Variants in SLCO6A1 observed in about 807,000 individuals in gnomAD.
SLCO6A1 encodes cancer/testis antigen 48.
Under a neutral mutation model 72.7 loss-of-function variants are expected in SLCO6A1, and 65 were observed. That is an observed-to-expected ratio of 0.89 (90% CI 0.73 to 1.10). The LOEUF is 1.10. SLCO6A1 is among the 50% of genes least tolerant of loss of function. The pLI is 0.00. For missense variants in SLCO6A1, 874 were observed against 872.6 expected (o/e 1.00, Z -0.02); for synonymous variants, 314 against 298.2 (o/e 1.05, Z -0.55).
intron 6 of SLCO6A1, among the ~76,000 whole-genome samples, chr5:102,451,562 G>A (rs2112726583): frequency 6.6e-6 from 1 of 152,266 alleles, no homozygotes; most frequent in African/African-American, 2.4e-5. Flanking sequence ...CATTCTGGAG[G>A]CCCTGGATGG....
chr5:102,431,773 G>T (rs1033970567), intron 7 of SLCO6A1, among the ~76,000 whole-genome samples: 1 of 152,122 alleles, frequency 6.6e-6, no homozygotes, highest in Non-Finnish European at 1.5e-5. Context: ...TTGAGTTCAG[G>T]TCCTGAACAT....
intron 5 of SLCO6A1, among the ~76,000 whole-genome samples, chr5:102,458,704 A>C (rs1750870299): frequency 6.6e-6 from 1 of 152,202 alleles, no homozygotes; most frequent in African/African-American, 2.4e-5. Context: ...AAAACTTTCC[A>C]TATCTGCCCA....
At chr5:102,459,436 A>G (rs1008759372) in intron 5 of SLCO6A1, among the ~76,000 whole-genome samples, 4 of 152,118 alleles carry the variant, frequency 2.6e-5, no homozygotes, top group African/African-American at 9.7e-5. Flanking sequence ...AATACAAAGA[A>G]GAAGAAATTC....
intron 7 of SLCO6A1, among the ~76,000 whole-genome samples, chr5:102,433,211 G>A (rs568927056): frequency 2.1e-4 from 32 of 152,202 alleles, no homozygotes; most frequent in African/African-American, 6.0e-4. Context: ...GAGTTTCAAC[G>A]TTCCCCTGAA....
At chr5:102,491,479 C>T (rs2112862143) in intron 1 of SLCO6A1, among the ~76,000 whole-genome samples, 1 of 152,318 alleles carries the variant, frequency 6.6e-6, no homozygotes, top group East Asian at 1.9e-4. Context: ...ACACATGAGC[C>T]CACGGAGGTG....
intron 7 of SLCO6A1, among the ~76,000 whole-genome samples, chr5:102,422,237 T>C (rs1748647216): frequency 6.6e-6 from 1 of 152,002 alleles, no homozygotes; most frequent in African/African-American, 2.4e-5. Flanking sequence ...TCACAACTCC[T>C]CACCAGCAAG....
intron 12 of SLCO6A1, among the ~76,000 whole-genome samples, chr5:102,386,897 G>C (rs1746448072): frequency 6.6e-6 from 1 of 152,180 alleles, no homozygotes; most frequent in African/African-American, 2.4e-5. Flanking sequence ...CCTTCACATG[G>C]AGGGTATCTC....
intron 10 of SLCO6A1, among the ~76,000 whole-genome samples, chr5:102,398,059 C>T (rs1344387218): frequency 6.6e-6 from 1 of 152,100 alleles, no homozygotes; most frequent in African/African-American, 2.4e-5. Context: ...GGTTTCTTTT[C>T]TCCTTGTATT....
chr5:102,493,092 A>G (rs1025729569), intron 1 of SLCO6A1, among the ~76,000 whole-genome samples: 1 of 152,234 alleles, frequency 6.6e-6, no homozygotes, highest in South Asian at 2.1e-4. Flanking sequence ...CAAAGGGTAC[A>G]TAATGCTGCA....
At chr5:102,458,324 T>C in intron 6 of SLCO6A1, 58 bp downstream of exon 6, 1 of 1,276,238 alleles carries the variant, frequency 7.8e-7, no homozygotes. Context: ...AAGTTCATTA[T>C]TAGAAAATTA....
At chr5:102,456,851 T>C (rs925804100) in intron 6 of SLCO6A1, among the ~76,000 whole-genome samples, 6 of 152,152 alleles carry the variant, frequency 3.9e-5, no homozygotes, top group Admixed American at 3.9e-4. Context: ...GTCTTCAAAA[T>C]ATACTACAAG....
chr5:102,412,967 T>C lies in SLCO6A1; in HGVS notation c.1626+23A>G, dbSNP rs145197149. 90 of 1,079,584 alleles carry C rather than the reference T, an allele frequency of 8.3e-5. No individual in the cohort carries two copies. In the African/African-American group the frequency reaches 1.3e-3, roughly 15 times the overall value. 66.9% of individuals were successfully genotyped at this position (1,079,584 alleles called of 1,614,324 possible). A position where few individuals can be genotyped will look rare whatever the true frequency, so the allele number is the denominator to read the frequency against. On this transcript the variant is annotated intron_variant, in intron 9 of 13. Coordinates refer to ENST00000506729, the MANE Select transcript of SLCO6A1 (RefSeq NM_173488.5). ...GAAAATATAAATGTATAACAAAACA[T>C]AATAATTATAAAAAATAATTACCTT...
intron 2 of SLCO6A1, among the ~76,000 whole-genome samples, chr5:102,479,102 T>C (rs1179143601): frequency 2.6e-5 from 4 of 152,170 alleles, no homozygotes; most frequent in East Asian, 1.9e-4. Context: ...TAATTCCCAA[T>C]GTTGCGGGAG....
At position 102,409,702 on chromosome 5, in the gene SLCO6A1, G is replaced by A. The variant is rs545190455; in HGVS notation, c.1626+3288C>T. On this transcript the variant is annotated intron_variant, in intron 9 of 13. Coordinates refer to ENST00000506729, the MANE Select transcript of SLCO6A1 (RefSeq NM_173488.5). ...ATTAAGTATCAAATGTTATCACACA[G>A]TTTGAGTGACTATTTTGTGGATTAT... Among the ~76,000 whole-genome samples, 15 of 152,184 alleles carry A rather than the reference G, an allele frequency of 9.9e-5. No homozygotes were observed. In the South Asian group the frequency reaches 1.9e-3, roughly 19 times the overall value.
intron 7 of SLCO6A1, among the ~76,000 whole-genome samples, chr5:102,427,840 G>GTGTATATATATATATATA (rs1748980248): frequency 5.8e-5 from 6 of 102,748 alleles, no homozygotes; most frequent in Non-Finnish European, 1.2e-4. Flanking sequence ...GTGTGTGTAT[G>GTGTATATATATATATATA]TATACATATA....
chr5:102,459,927 T>G (rs554556008), intron 4 of SLCO6A1, 150 bp from the exon 5 acceptor site: 1 of 578,878 alleles, frequency 1.7e-6, no homozygotes, highest in East Asian at 3.3e-5. Flanking sequence ...TTTGTTACTA[T>G]TGTTTGTTTT....
intron 9 of SLCO6A1, among the ~76,000 whole-genome samples, chr5:102,403,126 T>C (rs1747487864): frequency 6.6e-6 from 1 of 152,208 alleles, no homozygotes; most frequent in African/African-American, 2.4e-5. Context: ...GCTGCTCTGC[T>C]GAGTGTGGAA....
At chr5:102,395,993 C>T (rs1344607654) in intron 10 of SLCO6A1, among the ~76,000 whole-genome samples, 1 of 151,862 alleles carries the variant, frequency 6.6e-6, no homozygotes, top group Non-Finnish European at 1.5e-5. Context: ...CTGTAGGTTG[C>T]CTGTTCACTC....
Position 102,498,343 on chromosome 5 carries a change from A to G in SLCO6A1, c.358+144T>C, listed in dbSNP as rs1191181061. 32 of 721,318 alleles carry G rather than the reference A, an allele frequency of 4.4e-5. No individual in the cohort carries two copies. In the Admixed American group the frequency reaches 7.9e-4, roughly 18 times the overall value. 44.7% of individuals were successfully genotyped at this position (721,318 alleles called of 1,614,324 possible). On this transcript the variant is annotated intron_variant, in intron 1 of 13. Coordinates refer to ENST00000506729, the MANE Select transcript of SLCO6A1 (RefSeq NM_173488.5). ...TAAACTTTGATCCGACAACGCCTTG[A>G]GAAGTCAGAAAGCAGCCTCAGGCTG...
Sources: gnomAD v4.1 joint callset for allele counts (sites outside exome capture counted in the v4.1 genomes callset) on GRCh38, gnomAD v4.1.1 for gene constraint, MANE v1.5 for transcripts, NCBI Gene and HGNC (gene_info 2026-07-23, HGNC 2026-07-21) for gene names.